MTA3: variants seen among roughly 807,000 people sequenced by gnomAD.
MTA3 encodes the protein metastasis-associated protein MTA3.
MTA3 carries 34 observed loss-of-function variants against 83.5 expected under a neutral mutation model. The observed-to-expected ratio is 0.41, with a 90% CI of 0.31 to 0.54. The LOEUF (loss-of-function observed/expected upper bound fraction) is 0.54. Ranked by LOEUF, MTA3 falls within the 20% of genes least tolerant of loss-of-function variation. The pLI is 0.33. For missense variants in MTA3, 761 were observed against 726.4 expected, an observed-to-expected ratio of 1.05 and a Z score of -0.55; for synonymous variants, 303 against 252.7, an observed-to-expected ratio of 1.20 and a Z score of -1.89.
At chr2:42,600,501 ATT>A (rs11355281) in intron 3 of MTA3, among the ~76,000 whole-genome samples, 216 of 139,838 alleles carry the variant, frequency 1.5e-3, no homozygotes, top group Middle Eastern at 3.7e-3. Flanking sequence ...CTTTTTATTA[ATT>A]TTTTTTTTTT....
upstream of MTA3, among the ~76,000 whole-genome samples, chr2:42,565,185 T>C (rs1418326917): frequency 6.6e-6 from 1 of 152,068 alleles, no homozygotes; most frequent in African/African-American, 2.4e-5. Context: ...TTTCTTTTTT[T>C]TCTTTTGTTT....
At chr2:42,624,711 C>T (rs1010102657) in intron 4 of MTA3, among the ~76,000 whole-genome samples, 1 of 152,168 alleles carries the variant, frequency 6.6e-6, no homozygotes, top group Non-Finnish European at 1.5e-5. Context: ...TATTTTGTAA[C>T]TTCCTATACT....
At chr2:42,507,783 T>C (rs1674701829) in intron 2 of MTA3, among the ~76,000 whole-genome samples, 1 of 151,494 alleles carries the variant, frequency 6.6e-6, no homozygotes, top group African/African-American at 2.4e-5. Context: ...GTTAAAAAAT[T>C]AGCCAAGCAC....
At chr2:42,578,050 T>C (rs1679241404) in intron 2 of MTA3, among the ~76,000 whole-genome samples, 1 of 152,188 alleles carries the variant, frequency 6.6e-6, no homozygotes, top group Non-Finnish European at 1.5e-5. Context: ...GGGCACTGTT[T>C]CCACAGGACT....
chr2:42,583,011 T>C (rs767609943), intron 3 of MTA3, among the ~76,000 whole-genome samples: 18 of 152,082 alleles, frequency 1.2e-4, no homozygotes, highest in Non-Finnish European at 2.6e-4. Context: ...CCTTTTTTTC[T>C]CATCTGTAAA....
intron 2 of MTA3, among the ~76,000 whole-genome samples, chr2:42,510,955 C>T (rs898776662): frequency 1.3e-5 from 2 of 152,196 alleles, no homozygotes; most frequent in Admixed American, 1.3e-4. Context: ...AGGAGAGCTC[C>T]CTTTACCAAC....
chr2:42,746,601 C>A (rs1000847655), intron 16 of MTA3, among the ~76,000 whole-genome samples: 4 of 152,336 alleles, frequency 2.6e-5, no homozygotes, highest in African/African-American at 9.6e-5. Flanking sequence ...GGCTGTTTTT[C>A]CTGTGATTCT....
At chr2:42,538,776 T>G (rs552625715) in intron 2 of MTA3, among the ~76,000 whole-genome samples, 6,054 of 118,838 alleles carry the variant, frequency 0.051, 258 homozygotes, top group South Asian at 0.13. Flanking sequence ...TGTTTTTTTT[T>G]GTTTTTTTTG....
intron 3 of MTA3, among the ~76,000 whole-genome samples, chr2:42,600,384 T>G (rs1345152481): frequency 6.6e-6 from 1 of 152,222 alleles, no homozygotes; most frequent in Non-Finnish European, 1.5e-5. Context: ...AACTGATTCT[T>G]ATTTCCATTT....
intron 2 of MTA3, among the ~76,000 whole-genome samples, chr2:42,553,108 C>A (rs1677196196): frequency 2.6e-5 from 4 of 151,904 alleles, no homozygotes; most frequent in South Asian, 2.1e-4. Flanking sequence ...GAGACCCTGT[C>A]TCTACAAAAA....
In MTA3 at chr2:42,709,064, T is replaced by C. The variant is rs760642079; in HGVS notation, c.1493T>C (p.Val498Ala). 1.2e-6 allele frequency: 2 copies of C among 1,610,654 alleles called. No homozygotes were observed. The highest frequency in any genetic ancestry group is 1.7e-5 in the Admixed American group (1 of 59,164). Residue 498 changes from valine to alanine, a missense_variant, in exon 14 of 17, where the codon GTT becomes GCT. Val to Ala is a moderately conservative substitution (Grantham distance 64, BLOSUM62 0). Transcript: ENST00000405094. ...RLRQAARRPFVAINYAAIRAE... is the reference protein window; with the variant it reads ...RLRQAARRPFAAINYAAIRAE... ...CGGCAGGCAGCAAGACGGCCGTTTG[T>C]TGCTATTAATTATGCTGCCATTAGG...
chr2:42,595,104 T>G (rs1429462505), intron 3 of MTA3, among the ~76,000 whole-genome samples: 1 of 89,950 alleles, frequency 1.1e-5, no homozygotes, highest in Non-Finnish European at 2.1e-5. Context: ...AACAGGAGCT[T>G]CATTTTTTTT....
chr2:42,626,893 A>G (rs1686155506), intron 4 of MTA3, among the ~76,000 whole-genome samples: 1 of 151,144 alleles, frequency 6.6e-6, no homozygotes, highest in Non-Finnish European at 1.5e-5. Flanking sequence ...GGCCTACCCC[A>G]CCACACCCAG....
At chr2:42,565,711 T>G (rs531487360), upstream of MTA3, among the ~76,000 whole-genome samples, 1 of 152,090 alleles carries the variant, frequency 6.6e-6, no homozygotes, top group African/African-American at 2.4e-5. Flanking sequence ...CTTCTATATT[T>G]AAATTTTACC....
chr2:42,553,242 G>A (rs1018187341), intron 2 of MTA3, among the ~76,000 whole-genome samples: 14 of 151,660 alleles, frequency 9.2e-5, no homozygotes, highest in African/African-American at 1.9e-4. Context: ...TGGCTAACGC[G>A]GTGAAACCCG....
At chr2:42,561,327 T>TA (rs1424790112) in intron 2 of MTA3, among the ~76,000 whole-genome samples, 4 of 151,442 alleles carry the variant, frequency 2.6e-5, no homozygotes, top group African/African-American at 9.8e-5. Context: ...TTTATTTATT[T>TA]CTTTTTTTTT....
intron 3 of MTA3, among the ~76,000 whole-genome samples, chr2:42,599,329 C>T (rs957417046): frequency 2.0e-5 from 3 of 152,150 alleles, no homozygotes; most frequent in African/African-American, 7.2e-5. Flanking sequence ...CGGCTTATGC[C>T]TGTAATCCCA....
intron 2 of MTA3, among the ~76,000 whole-genome samples, chr2:42,543,832 TA>T (rs932685305): frequency 2.0e-5 from 3 of 151,726 alleles, no homozygotes; most frequent in Non-Finnish European, 4.4e-5. Flanking sequence ...ATACATACAT[TA>T]AAAAATATAT....
intron 1 of MTA3, chr2:42,569,462 C>G (rs1030665558): frequency 1.3e-5 from 2 of 152,262 alleles, no homozygotes; most frequent in South Asian, 2.1e-4. Flanking sequence ...TCCCTACTCA[C>G]GACGCCCTCC....
Sources: gnomAD v4.1 joint callset for allele counts (sites outside exome capture counted in the v4.1 genomes callset) on GRCh38, gnomAD v4.1.1 for gene constraint, MANE v1.5 for transcripts, NCBI Gene and HGNC (gene_info 2026-07-23, HGNC 2026-07-21) for gene names.